SYTL2: variants seen among roughly 807,000 people sequenced by gnomAD.
SYTL2 encodes the protein synaptotagmin-like protein 2.
SYTL2 carries 165 observed loss-of-function variants against 198.7 expected under a neutral mutation model. That is an observed-to-expected ratio of 0.83 (90% CI 0.73 to 0.94). The LOEUF (loss-of-function observed/expected upper bound fraction) is 0.94, where lower values mean the gene tolerates loss of function less well. Ranked by LOEUF, SYTL2 falls within the 40% of genes least tolerant of loss-of-function variation. The pLI, the probability that SYTL2 is intolerant of heterozygous loss-of-function variation, is 0.00. For synonymous variants in SYTL2, 966 were observed against 917.7 expected (o/e 1.05, Z -0.95); for missense variants, 2,835 against 2,582.8 (o/e 1.10, Z -2.12).
chr11:85,748,246 TA>T (rs1478678054), intron 3 of SYTL2, 25 bp downstream of exon 3: 1 of 1,599,658 alleles, frequency 6.3e-7, no homozygotes, highest in Non-Finnish European at 8.5e-7. Context: ...ATGCTTGTTG[TA>T]AATGCACTAG....
Position 85,726,352 on chromosome 11 carries a change from C to T in SYTL2, c.3006G>A (p.Lys1002=), listed in dbSNP as rs754052255. The T allele has an allele frequency of 1.2e-6, 2 of 1,614,002 alleles. No individual in the cohort carries two copies. Among genetic ancestry groups the T allele is most frequent in the East Asian group, 4.5e-5 (2 of 44,878 alleles). ...TTTTTTGGCTTGTGGTGGTAATATT[C>T]TTGTCATTATCCTTACTGTTTGAAT... ...EANSNSKDND[K]NITTTSQKNS... Residue 1002 remains lysine (K), a synonymous_variant, in exon 8 of 20, where the codon AAG becomes AAA. Coordinates refer to ENST00000359152, the MANE Select transcript of SYTL2 (RefSeq NM_206927.4).
intron 1 of SYTL2, among the ~76,000 whole-genome samples, chr11:85,802,220 C>CTTTTTTT (rs5793172): frequency 4.6e-4 from 57 of 122,586 alleles, no homozygotes; most frequent in Middle Eastern, 5.5e-3. Flanking sequence ...TTTTTCTTTT[C>CTTTTTTT]TTTTTTTTTT....
At chr11:85,695,365 A>G in intron 19 of SYTL2, 25 bp from the exon 20 acceptor site, 1 of 1,536,886 alleles carries the variant, frequency 6.5e-7, no homozygotes, top group Middle Eastern at 1.7e-4. Flanking sequence ...CTTTGCATTT[A>G]GAAAGAAACA....
At chr11:85,832,917 G>T in the SYTL2 span, among the ~76,000 whole-genome samples, 1 of 150,310 alleles carries the variant, frequency 6.7e-6, no homozygotes, top group Non-Finnish European at 1.5e-5. Context: ...GATCACTTGA[G>T]CCCAGGAGGT....
intron 4 of SYTL2, among the ~76,000 whole-genome samples, chr11:85,742,506 A>G (rs1565966182): frequency 6.6e-6 from 1 of 152,216 alleles, no homozygotes; most frequent in Non-Finnish European, 1.5e-5. Flanking sequence ...ACAATGTGCT[A>G]TCAGCATATG....
At chr11:85,848,348 T>C in the SYTL2 span, among the ~76,000 whole-genome samples, 1 of 152,130 alleles carries the variant, frequency 6.6e-6, no homozygotes, top group Non-Finnish European at 1.5e-5. Context: ...TTTTCTTTTT[T>C]GAATCATGTT....
intron 7 of SYTL2, among the ~76,000 whole-genome samples, chr11:85,733,115 CAGGCCAAAGTCTG>C (rs1434240351): frequency 6.6e-6 from 1 of 152,182 alleles, no homozygotes; most frequent in African/African-American, 2.4e-5. Flanking sequence ...GAGGCCTGAG[CAGGCCAAAGTCTG>C]AGGCTTTTGC....
the SYTL2 span, chr11:85,853,289 T>C: frequency 1.1e-5 from 5 of 441,000 alleles, no homozygotes; most frequent in East Asian, 2.3e-4. Context: ...AAAGTAGACA[T>C]AGGAGACTCC....
intron 1 of SYTL2, among the ~76,000 whole-genome samples, chr11:85,794,263 C>G (rs1206932540): frequency 6.6e-6 from 1 of 152,104 alleles, no homozygotes; most frequent in East Asian, 1.9e-4. Flanking sequence ...ACTGTAACTT[C>G]AAACTCCTGG....
At chr11:85,817,943 G>A in the SYTL2 span, among the ~76,000 whole-genome samples, 2 of 141,668 alleles carry the variant, frequency 1.4e-5, no homozygotes, top group African/African-American at 5.3e-5. Flanking sequence ...TCACTCTGTG[G>A]TCCAGGATGC....
the SYTL2 span, among the ~76,000 whole-genome samples, chr11:85,847,195 C>T: frequency 6.6e-6 from 1 of 152,160 alleles, no homozygotes; most frequent in Admixed American, 6.5e-5. Flanking sequence ...CCGGCAAGTA[C>T]TCTCCTGCCC....
the SYTL2 span, among the ~76,000 whole-genome samples, chr11:85,819,805 A>C: frequency 6.6e-6 from 1 of 152,198 alleles, no homozygotes; most frequent in Non-Finnish European, 1.5e-5. Flanking sequence ...TCCATCTTCT[A>C]CTTACATGCT....
intron 7 of SYTL2, among the ~76,000 whole-genome samples, chr11:85,731,660 G>A (rs1156755903): frequency 6.6e-6 from 1 of 152,082 alleles, no homozygotes; most frequent in Non-Finnish European, 1.5e-5. Flanking sequence ...TACCACTCAG[G>A]ACATAGGCAT....
intron 1 of SYTL2, among the ~76,000 whole-genome samples, chr11:85,786,976 T>C (rs962521024): frequency 6.6e-6 from 1 of 152,178 alleles, no homozygotes; most frequent in Non-Finnish European, 1.5e-5. Flanking sequence ...AGCAAATGAA[T>C]GGATGGATGA....
At chr11:85,842,318 A>G in the SYTL2 span, among the ~76,000 whole-genome samples, 1 of 152,218 alleles carries the variant, frequency 6.6e-6, no homozygotes, top group Non-Finnish European at 1.5e-5. Context: ...GGGTAGGGGC[A>G]TGGTTAGCCC....
At chr11:85,785,609 G>C (rs1487097018) in intron 1 of SYTL2, among the ~76,000 whole-genome samples, 2 of 152,126 alleles carry the variant, frequency 1.3e-5, no homozygotes, top group Non-Finnish European at 2.9e-5. Context: ...CAGAAAATAT[G>C]AGTTGGCTCA....
chr11:85,725,847 A>G lies in SYTL2; in HGVS notation c.3511T>C (p.Trp1171Arg). The G allele has an allele frequency of 6.2e-7, 1 of 1,613,824 alleles. No homozygotes were observed. Among genetic ancestry groups the G allele is most frequent in the Non-Finnish European group, 8.5e-7 (1 of 1,179,906 alleles). Residue 1171 changes from tryptophan to arginine, a missense_variant, in exon 8 of 20, where the codon TGG (tryptophan) becomes CGG (arginine). Trp to Arg is a moderately radical substitution (Grantham distance 101). Around this residue, in one of 3 missense-constraint regions of SYTL2, gnomAD observed 2,645 missense variants for 2,381.7 expected, o/e 1.11. Transcript: ENST00000359152. ...TCAGCAAAATCTGTTTTTTGAGGCC[A>G]TGTCCTATTTTCAGAAACACTTGGT... Reference protein sequence around the residue: ...LEPSVSENRTWPQKTDFADTE... With the variant: ...LEPSVSENRTRPQKTDFADTE...
intron 12 of SYTL2, among the ~76,000 whole-genome samples, chr11:85,713,612 T>C (rs922166512): frequency 6.6e-6 from 1 of 152,228 alleles, no homozygotes. Flanking sequence ...TACTCTTCAG[T>C]AGCTATTGGA....
chr11:85,852,673 G>C, the SYTL2 span: 27 of 198,464 alleles, frequency 1.4e-4, no homozygotes, highest in Admixed American at 6.2e-4. Context: ...CGTTCACTCA[G>C]TGCTCAATGT....
Sources: allele counts gnomAD v4.1 joint callset (sites outside exome capture counted in the v4.1 genomes callset), GRCh38; gene constraint gnomAD v4.1.1; regional missense constraint gnomAD v4.1.1; transcripts MANE v1.5; gene names NCBI Gene and HGNC (gene_info 2026-07-23, HGNC 2026-07-21).